Variants in PROSER2 observed in about 807,000 individuals in gnomAD.
The protein encoded by PROSER2 is proline and serine-rich protein 2.
In PROSER2, 18 loss-of-function variants were observed where a neutral mutation model predicts 14.6. The observed-to-expected ratio is 1.23, with a 90% confidence interval of 0.85 to 1.83. The LOEUF (loss-of-function observed/expected upper bound fraction) is 1.83. Ranked by LOEUF, PROSER2 falls within the 40% of genes most tolerant of loss-of-function variation. The pLI, the probability that PROSER2 is intolerant of heterozygous loss-of-function variation, is 0.00. For missense variants in PROSER2, 823 were observed against 629.8 expected, an observed-to-expected ratio of 1.31 and a Z score of -3.28; for synonymous variants, 367 against 286.4, an observed-to-expected ratio of 1.28 and a Z score of -2.84.
rs1372303384 is a variant in PROSER2 at position 11,844,356 on chromosome 10, G to T, written c.-81-7641G>T. Among the ~76,000 whole-genome samples, 3 of 152,102 alleles carry T rather than the reference G, an allele frequency of 2.0e-5. No individual in the cohort carries two copies. In the East Asian group the frequency reaches 5.8e-4, roughly 29 times the overall value. ...GTAATACATTCATATGGTTAAAAAA[G>T]AAAAGGTAATTATATTTCTAAAAAC... On this transcript the variant is annotated intron_variant, in intron 1 of 3. Coordinates refer to ENST00000277570, the MANE Select transcript of PROSER2 (RefSeq NM_153256.4).
chr10:11,870,079 G>T lies in PROSER2; in HGVS notation c.981G>T (p.Glu327Asp), dbSNP rs1347909415. Residue 327 changes from glutamate to aspartate, a missense_variant, in exon 4 of 4, where the codon GAG becomes GAT. Coordinates refer to ENST00000277570, the MANE Select transcript of PROSER2 (RefSeq NM_153256.4). ...GCCGGGGCCTGCCGGGCCCCGCTGAGAGTCTCCGGGCAGGGGGTCAGGCTC... is the reference window on the plus strand; with the variant it reads ...GCCGGGGCCTGCCGGGCCCCGCTGATAGTCTCCGGGCAGGGGGTCAGGCTC... ...ARGRGLPGPA[E>D]SLRAGGQAPR... 22 of 1,279,470 alleles carry T rather than the reference G, an allele frequency of 1.7e-5. No homozygotes were observed. Among genetic ancestry groups the T allele is most frequent in the African/African-American group, 3.1e-5 (2 of 63,628 alleles). 79.3% of individuals were successfully genotyped at this position (1,279,470 alleles called of 1,614,324 possible). A position where few individuals can be genotyped will look rare whatever the true frequency, so the allele number is the denominator to read the frequency against.
In PROSER2 at chr10:11,860,974, C is replaced by T. The variant is rs372082110; in HGVS notation, c.139-5557C>T. Among the ~76,000 whole-genome samples, 590 of 152,188 alleles carry T rather than the reference C, an allele frequency of 3.9e-3. 4 individuals carry two copies. Among genetic ancestry groups the T allele is most frequent in the African/African-American group, 0.013 (557 of 41,518 alleles). On this transcript the variant is annotated intron_variant, in intron 2 of 3. Transcript: ENST00000277570. Reference sequence around the variant, plus strand: ...TACAAAAATTAACCGGGCGTGGTGGCGTGCACCTGTAGTCCCAGCTACCCT... The same window carrying T: ...TACAAAAATTAACCGGGCGTGGTGGTGTGCACCTGTAGTCCCAGCTACCCT...
intron 2 of PROSER2, among the ~76,000 whole-genome samples, chr10:11,852,519 C>G (rs1834040936): frequency 6.7e-6 from 1 of 148,492 alleles, no homozygotes; most frequent in Non-Finnish European, 1.5e-5. Context: ...CTGAAGAGCT[C>G]ACACGATAAA....
At chr10:11,824,508 G>A (rs1328321840) in intron 1 of PROSER2, among the ~76,000 whole-genome samples, 1 of 152,146 alleles carries the variant, frequency 6.6e-6, no homozygotes, top group Non-Finnish European at 1.5e-5. Context: ...CAAGTTCCGT[G>A]TCTGAATGTT....
At position 11,823,793 on chromosome 10, in the gene PROSER2, C is replaced by G. The variant is rs1833573948; in HGVS notation, c.-82+323C>G. On this transcript the variant is annotated intron_variant, in intron 1 of 3. Transcript: ENST00000277570. This position sits in a 1 kb window ranked among gnomAD's most constrained non-coding sequence, Gnocchi z 6.2. ...TGGAGGCGGGTTTCCCAGCCTTGGG[C>G]GCAGAGGGTCCCCGCTGTCCCCACC... Among the ~76,000 whole-genome samples, 1 of 152,128 alleles carries G rather than the reference C, an allele frequency of 6.6e-6. No individual in the cohort carries two copies. Among genetic ancestry groups the G allele is most frequent in the South Asian group, 2.1e-4 (1 of 4,832 alleles).
intron 1 of PROSER2, among the ~76,000 whole-genome samples, chr10:11,835,743 A>C (rs1833751785): frequency 6.6e-6 from 1 of 152,242 alleles, no homozygotes; most frequent in African/African-American, 2.4e-5. Flanking sequence ...AAATCAAAGC[A>C]AAGTGCCTGT....
At position 11,866,723 on chromosome 10, in the gene PROSER2, G is replaced by C; in HGVS notation, c.331G>C (p.Val111Leu). The C allele has an allele frequency of 6.2e-7, 1 of 1,613,938 alleles. No individual in the cohort carries two copies. Among genetic ancestry groups the C allele is most frequent in the African/African-American group, 1.3e-5 (1 of 75,046 alleles). The part of the protein sequence containing the change: ...PSEPEDVIDL[V>L]QPAPGAGEAE... ...CGAGCCTGAAGATGTCATCGACTTA[G>C]TGCAGCCAGCACCTGGCGCCGGGGA... The change falls in exon 3 of 4, where the codon GTG becomes CTG. Residue 111 changes from valine (V) to leucine (L), a missense_variant. Coordinates refer to ENST00000277570, the MANE Select transcript of PROSER2 (RefSeq NM_153256.4). The surrounding 1 kb of genome is among the most constrained non-coding windows in gnomAD (Gnocchi z 6.0).
chr10:11,845,579 A>T (rs1350025341), intron 1 of PROSER2, among the ~76,000 whole-genome samples: 1 of 150,774 alleles, frequency 6.6e-6, no homozygotes, highest in Non-Finnish European at 1.5e-5. Context: ...GGTTAGGGAA[A>T]GCAACAGAGG....
In PROSER2 at chr10:11,866,449, T is replaced by A; in HGVS notation, c.139-82T>A. The A allele has an allele frequency of 1.3e-6, 2 of 1,557,082 alleles. No individual in the cohort carries two copies. Among genetic ancestry groups the A allele is most frequent in the Non-Finnish European group, 1.7e-6 (2 of 1,145,286 alleles). ...AGTTCCGCCCTGGGCTGTGGACCAATCCCAACTTTGCTTCAGCTTTTGTCT... is the reference window on the plus strand; with the variant it reads ...AGTTCCGCCCTGGGCTGTGGACCAAACCCAACTTTGCTTCAGCTTTTGTCT... On this transcript the variant is annotated intron_variant, in intron 2 of 3. Coordinates refer to ENST00000277570, the MANE Select transcript of PROSER2 (RefSeq NM_153256.4). The surrounding 1 kb of genome is among the most constrained non-coding windows in gnomAD (Gnocchi z 6.0).
chr10:11,829,679 A>G (rs926607331), intron 1 of PROSER2, among the ~76,000 whole-genome samples: 1 of 118,490 alleles, frequency 8.4e-6, no homozygotes, highest in African/African-American at 3.2e-5. Context: ...GTTTCTTTAT[A>G]TGCCACAAAT....
intron 1 of PROSER2, among the ~76,000 whole-genome samples, chr10:11,831,113 T>A (rs140173168): frequency 2.0e-5 from 3 of 152,218 alleles, no homozygotes; most frequent in Non-Finnish European, 4.4e-5. Flanking sequence ...AGACCACGGC[T>A]GCCAGTCTAA....
At position 11,866,630 on chromosome 10, in the gene PROSER2, G is replaced by C. The variant is rs199700002; in HGVS notation, c.238G>C (p.Val80Leu). The C allele has an allele frequency of 6.2e-6, 10 of 1,614,244 alleles. 1 individual carries two copies. In the East Asian group the frequency reaches 1.1e-4, roughly 18 times the overall value. Residue 80 changes from valine (V) to leucine (L), a missense_variant, in exon 3 of 4, where the codon GTG becomes CTG. Physicochemically the swap from Val to Leu is conservative, Grantham distance 32. Transcript: ENST00000277570. The surrounding 1 kb of genome is among the most constrained non-coding windows in gnomAD (Gnocchi z 6.0). ...DSLDEDFEEP[V>L]LCDGGVCCLC... is the part of the protein sequence containing the mutation. ...CCTAGACGAGGACTTTGAGGAGCCA[G>C]TGCTGTGCGATGGAGGAGTGTGCTG...
At chr10:11,840,257 T>C (rs567620696) in intron 1 of PROSER2, among the ~76,000 whole-genome samples, 1 of 131,566 alleles carries the variant, frequency 7.6e-6, no homozygotes, top group Non-Finnish European at 1.7e-5. Flanking sequence ...TGTCCTCATT[T>C]GTTGTCATTA....
chr10:11,833,564 G>T (rs1307119046), intron 1 of PROSER2, among the ~76,000 whole-genome samples: 1 of 151,884 alleles, frequency 6.6e-6, no homozygotes, highest in Non-Finnish European at 1.5e-5. Context: ...GGTGGCTGGT[G>T]CCTGTAGTCC....
At chr10:11,849,631 C>T (rs1476104603) in intron 1 of PROSER2, 1 of 152,266 alleles carries the variant, frequency 6.6e-6, no homozygotes, top group Non-Finnish European at 1.5e-5. Context: ...CTTTTATTCT[C>T]AAGCCTGTTG....
intron 1 of PROSER2, among the ~76,000 whole-genome samples, chr10:11,843,693 A>G (rs1406703781): frequency 4.6e-5 from 7 of 151,038 alleles, no homozygotes; most frequent in African/African-American, 1.7e-4. Context: ...CTCAAAAAAA[A>G]AAAAAAAAAT....
rs1176124743 is a variant in PROSER2, at chr10:11,870,165, C to G, written c.1067C>G (p.Pro356Arg). 1 of 1,474,828 alleles carries G rather than the reference C, an allele frequency of 6.8e-7. No individual in the cohort carries two copies. Among genetic ancestry groups the G allele is most frequent in the South Asian group, 1.3e-5 (1 of 78,002 alleles). 91.4% of individuals were successfully genotyped at this position (1,474,828 alleles called of 1,614,324 possible). ...PSAHEALKSA[P>R]SSFAPAGKSL... ...GCGCACGAGGCCCTGAAGAGCGCAC[C>G]CAGCTCCTTCGCGCCCGCTGGGAAG... Residue 356 changes from proline to arginine, a missense_variant, in exon 4 of 4, where the codon CCC becomes CGC. By Grantham distance (103) the Pro-to-Arg change is moderately radical. Coordinates refer to ENST00000277570, the MANE Select transcript of PROSER2 (RefSeq NM_153256.4).
chr10:11,844,880 C>T (rs1483447128), intron 1 of PROSER2, among the ~76,000 whole-genome samples: 2 of 152,210 alleles, frequency 1.3e-5, no homozygotes, highest in Non-Finnish European at 2.9e-5. Context: ...CCTTGGCCTC[C>T]CAAAGTGCTG....
Position 11,837,262 on chromosome 10 carries a change from T to A in PROSER2, c.-82+13792T>A, listed in dbSNP as rs979642661. Among the ~76,000 whole-genome samples the A allele has an allele frequency of 6.6e-6, 1 of 152,142 alleles. No individual in the cohort carries two copies. The highest frequency in any genetic ancestry group is 1.5e-5 in the Non-Finnish European group (1 of 68,032). On this transcript the variant is annotated intron_variant, in intron 1 of 3. Transcript: ENST00000277570. The surrounding 1 kb of genome is among the most constrained non-coding windows in gnomAD (Gnocchi z 4.6). Reference sequence around the variant, plus strand: ...CGCTGAGACCTACTGTAAGAACAAATCATCTTCTGTCTGTGAAGGTGTGAA... The same window carrying A: ...CGCTGAGACCTACTGTAAGAACAAAACATCTTCTGTCTGTGAAGGTGTGAA...
Sources: allele counts gnomAD v4.1 joint callset (sites outside exome capture counted in the v4.1 genomes callset), GRCh38; gene constraint gnomAD v4.1.1; non-coding constraint Gnocchi (gnomAD v3.1); transcripts MANE v1.5; gene names NCBI Gene and HGNC (gene_info 2026-07-23, HGNC 2026-07-21).